SPAG17: variants seen among roughly 807,000 people sequenced by gnomAD.
The protein encoded by SPAG17 is sperm associated antigen 17.
In SPAG17, 169 loss-of-function variants were observed where a neutral mutation model predicts 273.6. The ratio of observed to expected loss-of-function variants is 0.62; its 90% CI spans 0.55 to 0.70. The LOEUF (loss-of-function observed/expected upper bound fraction) is 0.70, where lower values mean the gene tolerates loss of function less well. Ranked by LOEUF, SPAG17 falls within the 30% of genes least tolerant of loss-of-function variation. SPAG17 has a pLI of 0.00. For missense variants in SPAG17, 2,557 were observed against 2,627.8 expected, an observed-to-expected ratio of 0.97 and a Z score of 0.59; for synonymous variants, 825 against 873.2, an observed-to-expected ratio of 0.94 and a Z score of 0.97.
At chr1:118,028,164 G>T in intron 26 of SPAG17, 110 bp downstream of exon 26, 1 of 1,284,288 alleles carries the variant, frequency 7.8e-7, no homozygotes, top group Non-Finnish European at 1.1e-6. Context: ...ACAGTCTATT[G>T]TTCATTATCA....
intron 10 of SPAG17, among the ~76,000 whole-genome samples, chr1:118,087,845 T>C (rs1454922618): frequency 6.6e-6 from 1 of 152,168 alleles, no homozygotes; most frequent in Non-Finnish European, 1.5e-5. Flanking sequence ...GATAATTACT[T>C]GTTGTGGGGG....
intron 32 of SPAG17, among the ~76,000 whole-genome samples, chr1:117,998,238 G>A (rs574547272): frequency 3.9e-5 from 6 of 152,170 alleles, no homozygotes; most frequent in Non-Finnish European, 8.8e-5. Context: ...TGTATATGGT[G>A]TAAGGAAGGG....
intron 7 of SPAG17, among the ~76,000 whole-genome samples, chr1:118,097,240 A>G (rs766029361): frequency 0.05 from 7,068 of 142,080 alleles, 241 homozygotes; most frequent in Non-Finnish European, 0.067. Context: ...AAAAAAAAAA[A>G]GGGGGGAATA....
At position 118,152,381 on chromosome 1, in the gene SPAG17, T is replaced by C. The variant is rs574596893; in HGVS notation, c.88-1012A>G. Reference sequence around the variant, plus strand: ...CTAAGATTTGAAAAGGTCACACAAATTTAATAAAATGCATCATTTTATTTG... The same window carrying C: ...CTAAGATTTGAAAAGGTCACACAAACTTAATAAAATGCATCATTTTATTTG... On this transcript the variant is annotated intron_variant, in intron 1 of 48. Transcript: ENST00000336338. Among the ~76,000 whole-genome samples, 27 of 152,302 alleles carry C rather than the reference T, an allele frequency of 1.8e-4. No homozygotes were observed. In the South Asian group the frequency reaches 5.6e-3, roughly 32 times the overall value.
At chr1:118,012,397 ATCATTTGGCCACATGGTTCATCCCAAGT>A in intron 29 of SPAG17, 25 bp from the exon 30 acceptor site, 1 of 1,608,830 alleles carries the variant, frequency 6.2e-7, no homozygotes. Flanking sequence ...GCAGGACATA[ATCATTTGGCCACATGGTTCATCCCAAGT>A]GTACTTATTT....
At chr1:118,008,746 C>T (rs1053276196) in intron 30 of SPAG17, among the ~76,000 whole-genome samples, 1 of 152,036 alleles carries the variant, frequency 6.6e-6, no homozygotes, top group East Asian at 1.9e-4. Context: ...TCATTCTACA[C>T]CTGCTTTTTT....
chr1:118,107,902 T>G (rs1361543885), intron 4 of SPAG17, among the ~76,000 whole-genome samples: 2 of 152,206 alleles, frequency 1.3e-5, no homozygotes, highest in African/African-American at 4.8e-5. Flanking sequence ...TCCTGCATTT[T>G]TCCATTTAAC....
chr1:118,151,194 C>T (rs780371756), intron 2 of SPAG17, 35 bp downstream of exon 2: 5 of 1,468,478 alleles, frequency 3.4e-6, no homozygotes, highest in East Asian at 4.8e-5. Context: ...GTAAAAAAGT[C>T]TTCAGGTGGC....
At position 117,956,048 on chromosome 1, in the gene SPAG17, G is replaced by A. The variant is rs184291017; in HGVS notation, c.*1-1999C>T. Reference sequence around the variant, plus strand: ...TTTGTTGCCAGTGTGTGAGCCAAAAGGTAATATTTTATTATTTTCATTTCT... The same window carrying A: ...TTTGTTGCCAGTGTGTGAGCCAAAAAGTAATATTTTATTATTTTCATTTCT... On this transcript the variant is annotated intron_variant, in intron 48 of 48. Transcript: ENST00000336338. Among the ~76,000 whole-genome samples the A allele has an allele frequency of 5.9e-5, 9 of 152,194 alleles. No individual in the cohort carries two copies. In the East Asian group the frequency reaches 1.7e-3, roughly 29 times the overall value.
In SPAG17 at chr1:117,954,212, A is replaced by G. The variant is rs979156404; in HGVS notation, c.*1-163T>C. Reference sequence around the variant, plus strand: ...CAGGATATGCAATAAATGGAATAGAATCTTTCCAACTCACTATATTAGAAG... The same window carrying G: ...CAGGATATGCAATAAATGGAATAGAGTCTTTCCAACTCACTATATTAGAAG... On this transcript the variant is annotated intron_variant, in intron 48 of 48. Coordinates refer to ENST00000336338, the MANE Select transcript of SPAG17 (RefSeq NM_206996.4). 4 of 886,838 alleles carry G rather than the reference A, an allele frequency of 4.5e-6. No individual in the cohort carries two copies. In the African/African-American group the frequency reaches 5.1e-5, roughly 11 times the overall value. 54.9% of individuals were successfully genotyped at this position (886,838 alleles called of 1,614,324 possible). A position where few individuals can be genotyped will look rare whatever the true frequency, so the allele number is the denominator to read the frequency against.
At position 118,034,608 on chromosome 1, in the gene SPAG17, G is replaced by T. The variant is rs112981927; in HGVS notation, c.3433+2162C>A. On this transcript the variant is annotated intron_variant, in intron 24 of 48. Coordinates refer to ENST00000336338, the MANE Select transcript of SPAG17 (RefSeq NM_206996.4). ...GGAGGGAGTTTAATTGTTGAAAGTA[G>T]TGGTGCACATGTCAGGAGAAAGTAT... Among the ~76,000 whole-genome samples, 1,078 of 152,312 alleles carry T rather than the reference G, an allele frequency of 7.1e-3. 11 individuals carry two copies. Among genetic ancestry groups the T allele is most frequent in the African/African-American group, 0.025 (1,022 of 41,572 alleles).
intron 10 of SPAG17, 89 bp downstream of exon 10, chr1:118,091,517 T>C: frequency 1.4e-6 from 1 of 699,904 alleles, no homozygotes; most frequent in Non-Finnish European, 2.5e-6. Context: ...GTATTATGAG[T>C]ATAATTTTAA....
intron 29 of SPAG17, among the ~76,000 whole-genome samples, chr1:118,013,055 C>T: frequency 6.6e-6 from 1 of 152,194 alleles, no homozygotes; most frequent in Non-Finnish European, 1.5e-5. Flanking sequence ...CCCATTACTG[C>T]TTTCTCCCTC....
chr1:118,146,217 A>G (rs1658980943), intron 3 of SPAG17, among the ~76,000 whole-genome samples: 1 of 152,236 alleles, frequency 6.6e-6, no homozygotes, highest in African/African-American at 2.4e-5. Flanking sequence ...TTTAGTCACA[A>G]CTGGGAGAAT....
intron 2 of SPAG17, among the ~76,000 whole-genome samples, chr1:118,150,881 C>G (rs1659338418): frequency 1.3e-5 from 2 of 152,094 alleles, no homozygotes; most frequent in South Asian, 4.2e-4. Context: ...TTCTCTGTAG[C>G]CTTCATTTTC....
chr1:118,060,551 T>G (rs958321982), intron 18 of SPAG17, among the ~76,000 whole-genome samples: 1 of 152,228 alleles, frequency 6.6e-6, no homozygotes, highest in Non-Finnish European at 1.5e-5. Context: ...GTGTTAAATG[T>G]GATTTATGAA....
At chr1:118,064,797 TCA>T (rs1652786983) in intron 18 of SPAG17, among the ~76,000 whole-genome samples, 1 of 151,432 alleles carries the variant, frequency 6.6e-6, no homozygotes, top group Admixed American at 6.6e-5. Context: ...AAAAATACTA[TCA>T]GTCAGATACT....
intron 38 of SPAG17, among the ~76,000 whole-genome samples, chr1:117,989,454 G>A (rs755101083): frequency 6.6e-6 from 1 of 151,968 alleles, no homozygotes; most frequent in Non-Finnish European, 1.5e-5. Context: ...AACTAATAGA[G>A]TGGGAATTCA....
intron 17 of SPAG17, 81 bp downstream of exon 17, chr1:118,073,773 C>A (rs1653833320): frequency 2.9e-5 from 25 of 872,586 alleles, no homozygotes. Flanking sequence ...AGAGAATGAC[C>A]TGGAGGTGAA....
Sources: allele counts gnomAD v4.1 joint callset (sites outside exome capture counted in the v4.1 genomes callset), GRCh38; gene constraint gnomAD v4.1.1; transcripts MANE v1.5; gene names NCBI Gene and HGNC (gene_info 2026-07-23, HGNC 2026-07-21).